LSM3: variants seen among roughly 807,000 people sequenced by gnomAD.
LSM3 encodes the protein LSM3 homolog, U6 small nuclear RNA and mRNA degradation associated.
A neutral mutation model predicts 15.4 loss-of-function variants in LSM3; 14 were observed. That is an observed-to-expected ratio of 0.91 (90% CI 0.60 to 1.42). The LOEUF is 1.42. Ranked by LOEUF, LSM3 falls within the 40% of genes most tolerant of loss-of-function variation. LSM3 has a pLI of 0.00. For synonymous variants in LSM3, 46 were observed against 45.1 expected (o/e 1.02, Z -0.08); for missense variants, 88 against 127.9 (o/e 0.69, Z 1.50).
intron 3 of LSM3, among the ~76,000 whole-genome samples, chr3:14,197,638 G>A (rs187315960): frequency 6.6e-6 from 1 of 152,204 alleles, no homozygotes; most frequent in Non-Finnish European, 1.5e-5. Flanking sequence ...GCCATCCCCT[G>A]AGCTCTCGCC....
intron 1 of LSM3, among the ~76,000 whole-genome samples, chr3:14,180,672 A>G (rs1697026187): frequency 6.6e-6 from 1 of 151,870 alleles, no homozygotes; most frequent in Non-Finnish European, 1.5e-5. Context: ...CCTCATAAGA[A>G]CCCAGAAAGA....
At chr3:14,185,493 C>T (rs750656014) in intron 3 of LSM3, among the ~76,000 whole-genome samples, 13 of 152,158 alleles carry the variant, frequency 8.5e-5, no homozygotes, top group Non-Finnish European at 1.5e-4. Context: ...TTTAATGCCC[C>T]GCTTAATCGA....
chr3:14,181,489 C>T (rs770342501), intron 1 of LSM3, 71 bp from the exon 2 acceptor site: 2 of 960,922 alleles, frequency 2.1e-6, no homozygotes, highest in Non-Finnish European at 3.3e-6. Flanking sequence ...CCCATGGTCA[C>T]ACAGCATAGC....
At chr3:14,181,442 A>AT in intron 1 of LSM3, 118 bp from the exon 2 acceptor site, 1 of 697,244 alleles carries the variant, frequency 1.4e-6, no homozygotes, top group Non-Finnish European at 2.6e-6. Flanking sequence ...CATTTTACAG[A>AT]TTAGGAGACT....
intron 3 of LSM3, among the ~76,000 whole-genome samples, chr3:14,185,146 T>C (rs1431813653): frequency 6.6e-6 from 1 of 151,564 alleles, no homozygotes; most frequent in South Asian, 2.1e-4. Context: ...AGGTCAGGAG[T>C]TCGAGACCAC....
In LSM3 at chr3:14,198,217, T is replaced by A; in HGVS notation, c.*101T>A. On this transcript the variant is annotated 3_prime_UTR_variant, in exon 4 of 4. Coordinates refer to ENST00000306024, the MANE Select transcript of LSM3 (RefSeq NM_014463.3). ...GAGAAACCTGCATACATTTTGATAT[T>A]AAGAAATAATTCCGGGGATTCTTCC... 1.2e-6 allele frequency: 1 copy of A among 850,344 alleles called. No homozygotes were observed. The highest frequency in any genetic ancestry group is 1.9e-6 in the Non-Finnish European group (1 of 516,198). The allele number at this position is 850,344 out of a possible 1,614,324, so 52.7% of individuals were successfully genotyped here.
chr3:14,183,487 G>A (rs1354554552), intron 2 of LSM3, among the ~76,000 whole-genome samples: 1 of 152,122 alleles, frequency 6.6e-6, no homozygotes, highest in African/African-American at 2.4e-5. Flanking sequence ...GACTGCAATG[G>A]CATTATCTTA....
At chr3:14,181,719 C>G (rs775708079) in intron 2 of LSM3, 49 bp downstream of exon 2, 1 of 1,325,086 alleles carries the variant, frequency 7.5e-7, no homozygotes, top group South Asian at 1.2e-5. Flanking sequence ...TTCCTACCCC[C>G]ACTCCCTTGA....
intron 2 of LSM3, among the ~76,000 whole-genome samples, chr3:14,182,670 A>G (rs1331872726): frequency 1.3e-5 from 2 of 152,222 alleles, no homozygotes; most frequent in East Asian, 3.8e-4. Flanking sequence ...AAAAATAGCT[A>G]ACATTTATTG....
intron 1 of LSM3, among the ~76,000 whole-genome samples, chr3:14,180,749 A>T (rs1697026759): frequency 6.8e-6 from 1 of 146,302 alleles, no homozygotes; most frequent in South Asian, 2.2e-4. Context: ...TTTTAATCTC[A>T]GTTCATAAAT....
chr3:14,188,600 G>A (rs1472745482), intron 3 of LSM3, among the ~76,000 whole-genome samples: 2 of 151,954 alleles, frequency 1.3e-5, no homozygotes, highest in Admixed American at 6.5e-5. Flanking sequence ...ATATGCTAAT[G>A]AGTGTTAGTT....
intron 3 of LSM3, among the ~76,000 whole-genome samples, chr3:14,193,663 A>C (rs1376226044): frequency 6.6e-6 from 1 of 152,164 alleles, no homozygotes; most frequent in Non-Finnish European, 1.5e-5. Context: ...TGGTTATTCT[A>C]GTTAACAATT....
intron 3 of LSM3, among the ~76,000 whole-genome samples, chr3:14,188,195 G>A (rs1697107936): frequency 6.6e-6 from 1 of 152,072 alleles, no homozygotes; most frequent in South Asian, 2.1e-4. Context: ...CACTTCAAAT[G>A]GATGCTGGTG....
At chr3:14,188,546 A>AGC (rs1697111345) in intron 3 of LSM3, among the ~76,000 whole-genome samples, 1 of 152,156 alleles carries the variant, frequency 6.6e-6, no homozygotes, top group African/African-American at 2.4e-5. Flanking sequence ...CCCAGACATA[A>AGC]GCACTATTAC....
chr3:14,195,787 G>A (rs954413363), intron 3 of LSM3, among the ~76,000 whole-genome samples: 2 of 152,040 alleles, frequency 1.3e-5, no homozygotes, highest in African/African-American at 4.8e-5. Flanking sequence ...AAGCCAGGGT[G>A]GCTCCTGCAC....
chr3:14,183,600 C>T (rs904976445), intron 2 of LSM3, among the ~76,000 whole-genome samples: 2 of 152,132 alleles, frequency 1.3e-5, no homozygotes, highest in South Asian at 4.1e-4. Flanking sequence ...GATGAATCTG[C>T]TGTTTTTCAT....
chr3:14,190,990 G>T (rs558702424), intron 3 of LSM3, among the ~76,000 whole-genome samples: 162 of 152,038 alleles, frequency 1.1e-3, no homozygotes, highest in African/African-American at 3.7e-3. Context: ...AGAGTTTTTA[G>T]CATGAAGGGG....
rs1419546305 is a variant in LSM3 at position 14,198,073 on chromosome 3, G to T, written c.266G>T (p.Gly89Val). Residue 89 changes from glycine (G) to valine (V), a missense_variant, in exon 4 of 4, where the codon GGA becomes GTA. Physicochemically the swap from Gly to Val is moderately radical, Grantham distance 109. Transcript: ENST00000306024. ...KRNIPMLFVRGDGVVLVAPPL... is the reference protein window; with the variant it reads ...KRNIPMLFVRVDGVVLVAPPL... ...AATATTCCAATGCTCTTTGTCCGGG[G>T]AGATGGCGTTGTCCTGGTTGCCCCT... 9.3e-6 allele frequency: 15 copies of T among 1,613,724 alleles called. No individual in the cohort carries two copies. Among genetic ancestry groups the T allele is most frequent in the Non-Finnish European group, 1.3e-5 (15 of 1,179,834 alleles).
chr3:14,185,605 G>A (rs755440361), intron 3 of LSM3, among the ~76,000 whole-genome samples: 1 of 152,198 alleles, frequency 6.6e-6, no homozygotes, highest in African/African-American at 2.4e-5. Flanking sequence ...TAGTTGGAAA[G>A]GAAGGAGTTT....
Sources: gnomAD v4.1 joint callset for allele counts (sites outside exome capture counted in the v4.1 genomes callset) on GRCh38, gnomAD v4.1.1 for gene constraint, MANE v1.5 for transcripts, NCBI Gene and HGNC (gene_info 2026-07-23, HGNC 2026-07-21) for gene names.